The following GUF1 variants were observed in gnomAD, a reference collection of about 807,000 sequenced individuals.
The protein encoded by GUF1 is translation factor GUF1, mitochondrial.
Under a neutral mutation model 82.4 loss-of-function variants are expected in GUF1, and 78 were observed. That is an observed-to-expected ratio of 0.95 (90% confidence interval 0.79 to 1.14). The LOEUF is 1.14. Among genes scored for constraint, GUF1 ranks in the 50% most tolerant of loss-of-function variants. The pLI is 0.00. For synonymous variants in GUF1, 279 were observed against 282.3 expected (o/e 0.99, Z 0.12); for missense variants, 814 against 798.2 (o/e 1.02, Z -0.24).
chr4:44,689,913 G>T lies in GUF1; in HGVS notation c.1273G>T (p.Val425Phe). ...ACTGGAGCAAGAATATAATGCTTCT[G>T]TTATTTTAACAACCCCTACTGTTCC... ...QRLEQEYNAS[V>F]ILTTPTVPYK... The change falls in exon 11 of 17, where the codon GTT becomes TTT. Residue 425 changes from valine (V) to phenylalanine (F), a missense_variant. Val to Phe is a conservative substitution (Grantham distance 50). Transcript: ENST00000281543. 1 of 1,608,318 alleles carries T rather than the reference G, an allele frequency of 6.2e-7. No individual in the cohort carries two copies. Among genetic ancestry groups the T allele is most frequent in the Non-Finnish European group, 8.5e-7 (1 of 1,175,980 alleles).
In GUF1 at chr4:44,700,777, T is replaced by C. The variant is rs1716192395; in HGVS notation, c.*2096T>C. 1.3e-5 allele frequency: 2 copies of C among 152,200 alleles called. No individual in the cohort carries two copies. Among genetic ancestry groups the C allele is most frequent in the Admixed American group, 6.5e-5 (1 of 15,276 alleles). 9.4% of individuals were successfully genotyped at this position (152,200 alleles called of 1,614,324 possible). On this transcript the variant is annotated 3_prime_UTR_variant, in exon 17 of 17. Transcript: ENST00000281543. ...ATTTACTTAAAATCATGTGTAGAAG[T>C]AGCCTGTGATATAGTCCTAGATACA... is the stretch of plus-strand genomic sequence containing the variant.
intron 4 of GUF1, 99 bp from the exon 5 acceptor site, chr4:44,682,235 A>C: frequency 1.8e-6 from 1 of 560,450 alleles, no homozygotes; most frequent in Non-Finnish European, 3.0e-6. Context: ...GCATAACGCA[A>C]AATCTCTTGA....
At position 44,686,499 on chromosome 4, in the gene GUF1, A is replaced by G. The variant is rs1715057943; in HGVS notation, c.735-11A>G. 12 of 1,555,354 alleles carry G rather than the reference A, an allele frequency of 7.7e-6. No individual in the cohort carries two copies. Among genetic ancestry groups the G allele is most frequent in the Non-Finnish European group, 1.1e-5 (12 of 1,134,278 alleles). ...GTGTATATATATTTACTTTTTACTT[A>G]TATTTACTAGTCCTAAAGTGCATCG... On this transcript the variant is annotated splice_polypyrimidine_tract_variant and intron_variant, in intron 7 of 16. Coordinates refer to ENST00000281543, the MANE Select transcript of GUF1 (RefSeq NM_021927.3).
At chr4:44,686,091 A>C in intron 7 of GUF1, 68 bp downstream of exon 7, 1 of 1,048,070 alleles carries the variant, frequency 9.5e-7, no homozygotes, top group Non-Finnish European at 1.5e-6. Flanking sequence ...CATGTTTAAT[A>C]GTTCAAAGAC....
chr4:44,689,169 C>A, intron 9 of GUF1, 117 bp from the exon 10 acceptor site: 2 of 936,702 alleles, frequency 2.1e-6, no homozygotes, highest in Non-Finnish European at 2.9e-6. Context: ...CAATAAAATA[C>A]AAGAAAGTAA....
chr4:44,684,764 A>G (rs146127362), intron 6 of GUF1, among the ~76,000 whole-genome samples: 426 of 152,182 alleles, frequency 2.8e-3, no homozygotes, highest in African/African-American at 9.6e-3. Context: ...AAAATTAATA[A>G]AGAACCTTAA....
rs753684500 is a variant in GUF1 at position 44,695,648 on chromosome 4, T to C, written c.1749T>C (p.Cys583=). 5.6e-6 allele frequency: 9 copies of C among 1,613,110 alleles called. No individual in the cohort carries two copies. The South Asian group carries it at 9.9e-5, about 18-fold the overall frequency. The part of the protein sequence containing the change: ...DKAHSIGKAI[C]ERLKDSLPRQ... The stretch of plus-strand genomic sequence containing the variant: ...CTCATTCAATTGGCAAAGCCATATG[T>C]GAACGGCTGAAGGATTCTCTTCCTA... The change falls in exon 15 of 17, where the codon TGT becomes TGC. Residue 583 remains cysteine, a synonymous_variant. Coordinates refer to ENST00000281543, the MANE Select transcript of GUF1 (RefSeq NM_021927.3).
chr4:44,685,331 AAC>A (rs1294223214), intron 6 of GUF1, among the ~76,000 whole-genome samples: 11 of 152,104 alleles, frequency 7.2e-5, no homozygotes, highest in African/African-American at 2.7e-4. Context: ...AGCCTCCCAA[AAC>A]AAAGAATTAT....
chr4:44,681,019 G>T (rs934033391), intron 3 of GUF1, 104 bp from the exon 4 acceptor site: 2 of 1,183,412 alleles, frequency 1.7e-6, no homozygotes, highest in Non-Finnish European at 1.2e-6. Flanking sequence ...AAAAAGAAAC[G>T]AATATTTAAC....
intron 11 of GUF1, 45 bp from the exon 12 acceptor site, chr4:44,690,669 AATC>A: frequency 1.8e-6 from 2 of 1,103,168 alleles, no homozygotes; most frequent in Non-Finnish European, 2.6e-6. Flanking sequence ...GAAAAATGAT[AATC>A]ATTATATTAA....
intron 13 of GUF1, 28 bp from the exon 14 acceptor site, chr4:44,694,384 T>C (rs1715645326): frequency 7.3e-7 from 1 of 1,360,786 alleles, no homozygotes; most frequent in South Asian, 1.2e-5. Flanking sequence ...AAGTGTAATA[T>C]TTATCACTTG....
At chr4:44,684,794 T>C (rs1714957653) in intron 6 of GUF1, among the ~76,000 whole-genome samples, 1 of 152,192 alleles carries the variant, frequency 6.6e-6, no homozygotes, top group South Asian at 2.1e-4. Flanking sequence ...CTGCATTGCA[T>C]TAAATGATGT....
At position 44,685,934 on chromosome 4, in the gene GUF1, A is replaced by G. The variant is rs1217398509; in HGVS notation, c.670-25A>G. On this transcript the variant is annotated intron_variant, in intron 6 of 16. Transcript: ENST00000281543. ...AGTATAGTCTTAACTTTAAATGCTT[A>G]TATTTTTCACATGTATCTTTTTAGA... 9 of 1,519,874 alleles carry G rather than the reference A, an allele frequency of 5.9e-6. No homozygotes were observed. The South Asian group carries it at 6.7e-5, about 11-fold the overall frequency. The allele number at this position is 1,519,874 out of a possible 1,614,324, so 94.1% of individuals were successfully genotyped here. A position where few individuals can be genotyped will look rare whatever the true frequency, so the allele number is the denominator to read the frequency against.
chr4:44,684,972 A>G (rs952143102), intron 6 of GUF1, among the ~76,000 whole-genome samples: 9 of 152,138 alleles, frequency 5.9e-5, no homozygotes, highest in African/African-American at 2.2e-4. Context: ...GATGCAGTCA[A>G]GGTTGAGGTT....
chr4:44,687,882 T>TA, intron 8 of GUF1, 125 bp from the exon 9 acceptor site: 1 of 775,148 alleles, frequency 1.3e-6, no homozygotes, highest in Non-Finnish European at 2.0e-6. Flanking sequence ...ATGTAGCACT[T>TA]ATTTTCAAAG....
At position 44,680,536 on chromosome 4, in the gene GUF1, G is replaced by C. The variant is rs1714704198; in HGVS notation, c.261G>C (p.Arg87Ser). ...VDHGKSTLAD[R>S]LLELTGTIDK... ...ATGGCAAAAGTACTTTAGCTGACAG[G>C]CTCCTAGAACTTACAGGTATTTCAT... Residue 87 changes from arginine to serine, a missense_variant, in exon 2 of 17, where the codon AGG (arginine) becomes AGC (serine). By Grantham distance (110) the Arg-to-Ser change is moderately radical. Transcript: ENST00000281543. 1 of 1,604,234 alleles carries C rather than the reference G, an allele frequency of 6.2e-7. No homozygotes were observed. Among genetic ancestry groups the C allele is most frequent in the Admixed American group, 1.7e-5 (1 of 59,554 alleles).
chr4:44,687,331 G>A (rs1424512436), intron 8 of GUF1, among the ~76,000 whole-genome samples: 1 of 151,928 alleles, frequency 6.6e-6, no homozygotes, highest in African/African-American at 2.4e-5. Context: ...TCACATTTGA[G>A]TGTTTAGTGT....
chr4:44,690,046 T>C (rs1715336263), intron 11 of GUF1, 71 bp downstream of exon 11: 1 of 1,183,984 alleles, frequency 8.4e-7, no homozygotes, highest in Admixed American at 2.6e-5. Context: ...AATGTGTGTA[T>C]ATACAATGCA....
At chr4:44,690,978 C>CAT (rs762355912) in intron 12 of GUF1, 118 bp downstream of exon 12, 8 of 612,032 alleles carry the variant, frequency 1.3e-5, no homozygotes, top group East Asian at 5.8e-5. Flanking sequence ...ATGAGATTTT[C>CAT]ATATATATAT....
Sources: gnomAD v4.1 joint callset for allele counts (sites outside exome capture counted in the v4.1 genomes callset) on GRCh38, gnomAD v4.1.1 for gene constraint, MANE v1.5 for transcripts, NCBI Gene and HGNC (gene_info 2026-07-23, HGNC 2026-07-21) for gene names.